KIF21A: variants seen among roughly 807,000 people sequenced by gnomAD.
KIF21A encodes kinesin-like protein KIF21A.
A neutral mutation model predicts 202.9 loss-of-function variants in KIF21A; 114 were observed. The observed-to-expected ratio is 0.56, with a 90% confidence interval of 0.48 to 0.66. KIF21A has a LOEUF of 0.66. Ranked by LOEUF, KIF21A falls within the 30% of genes least tolerant of loss-of-function variation. The pLI, the probability that KIF21A is intolerant of heterozygous loss-of-function variation, is 0.00. For synonymous variants in KIF21A, 667 were observed against 670.8 expected (o/e 0.99, Z 0.09); for missense variants, 1,677 against 1,994.9 (o/e 0.84, Z 3.04).
At chr12:39,435,693 G>A (rs756969198) in intron 1 of KIF21A, among the ~76,000 whole-genome samples, 4 of 133,992 alleles carry the variant, frequency 3.0e-5, no homozygotes, top group African/African-American at 2.8e-5. Flanking sequence ...GCCACCTTCC[G>A]TTTAGTGAGG....
Position 39,332,732 on chromosome 12 carries a change from C to G in KIF21A, c.2715G>C (p.Gln905His). The G allele has an allele frequency of 1.9e-6, 3 of 1,614,104 alleles. No homozygotes were observed. Among genetic ancestry groups the G allele is most frequent in the Non-Finnish European group, 2.5e-6 (3 of 1,180,002 alleles). ...PATNGNRKKY[Q>H]RKGLTGRVFI... ...ACACTCGGCCAGTCAATCCTTTCCT[C>G]TGATATTTTTTCCTATAATCATATA... Residue 905 changes from glutamine to histidine, a missense_variant, in exon 20 of 38, where the codon CAG becomes CAC. By Grantham distance (24) the Gln-to-His change is conservative. Around this residue, in one of 3 missense-constraint regions of KIF21A, gnomAD observed 966 missense variants for 1,180.9 expected, o/e 0.82. Transcript: ENST00000361418.
chr12:39,394,930 C>T (rs774933669), intron 1 of KIF21A, among the ~76,000 whole-genome samples: 12 of 152,184 alleles, frequency 7.9e-5, no homozygotes, highest in Non-Finnish European at 1.6e-4. Flanking sequence ...GCTCCGTTAA[C>T]GAGAAATGCT....
intron 1 of KIF21A, among the ~76,000 whole-genome samples, chr12:39,412,996 A>C (rs1003902436): frequency 6.6e-6 from 1 of 152,226 alleles, no homozygotes; most frequent in Non-Finnish European, 1.5e-5. Flanking sequence ...TTCGGCCTTC[A>C]ATCATTCTGG....
intron 3 of KIF21A, among the ~76,000 whole-genome samples, chr12:39,368,737 TA>T (rs762543777): frequency 7.1e-4 from 102 of 142,838 alleles, no homozygotes; most frequent in Middle Eastern, 3.7e-3. Context: ...AAACCAGCAG[TA>T]AAAAAAAAAA....
At chr12:39,441,287 A>G (rs1939540407) in intron 1 of KIF21A, among the ~76,000 whole-genome samples, 2 of 152,184 alleles carry the variant, frequency 1.3e-5, no homozygotes, top group African/African-American at 4.8e-5. Flanking sequence ...CGGATTTAAC[A>G]GAATGGTCAA....
At chr12:39,345,630 A>G (rs1325314231) in intron 12 of KIF21A, among the ~76,000 whole-genome samples, 1 of 151,900 alleles carries the variant, frequency 6.6e-6, no homozygotes, top group African/African-American at 2.4e-5. Context: ...ATGAATGTCT[A>G]AAGTAGGGCT....
chr12:39,351,167 G>A (rs1948342561), intron 11 of KIF21A, among the ~76,000 whole-genome samples: 1 of 151,964 alleles, frequency 6.6e-6, no homozygotes, highest in Non-Finnish European at 1.5e-5. Context: ...GATTTCAGAG[G>A]GACATAGTAT....
intron 12 of KIF21A, among the ~76,000 whole-genome samples, chr12:39,344,312 T>C (rs1256247016): frequency 6.6e-6 from 1 of 152,184 alleles, no homozygotes; most frequent in East Asian, 1.9e-4. Context: ...CAGCAGCATG[T>C]ACTCAAACAG....
At chr12:39,439,863 C>T (rs1430376530) in intron 1 of KIF21A, among the ~76,000 whole-genome samples, 1 of 152,096 alleles carries the variant, frequency 6.6e-6, no homozygotes, top group Non-Finnish European at 1.5e-5. Flanking sequence ...CTTAAATGAC[C>T]CATTTCCTTA....
intron 17 of KIF21A, among the ~76,000 whole-genome samples, chr12:39,336,566 C>A (rs75136965): frequency 0.045 from 6,910 of 152,166 alleles, 218 homozygotes; most frequent in East Asian, 0.12. Flanking sequence ...TACAAAGAAT[C>A]CTACAGTGAA....
chr12:39,328,041 T>C (rs1263942469), intron 24 of KIF21A, among the ~76,000 whole-genome samples: 2 of 152,186 alleles, frequency 1.3e-5, no homozygotes, highest in African/African-American at 4.8e-5. Flanking sequence ...TAATTATATA[T>C]TTAAAAATTT....
chr12:39,345,674 A>G (rs1011612055), intron 12 of KIF21A, among the ~76,000 whole-genome samples: 2 of 151,914 alleles, frequency 1.3e-5, no homozygotes, highest in African/African-American at 4.8e-5. Flanking sequence ...TGAAACTAGT[A>G]TATTTTCTTA....
chr12:39,311,336 C>T (rs1402557792), intron 32 of KIF21A, 81 bp downstream of exon 32: 1 of 1,286,062 alleles, frequency 7.8e-7, no homozygotes, highest in Non-Finnish European at 1.1e-6. Flanking sequence ...AATAGTTTGA[C>T]AGTTTTCTAG....
chr12:39,424,593 C>T (rs73088816), intron 1 of KIF21A, among the ~76,000 whole-genome samples: 19,695 of 152,146 alleles, frequency 0.13, 1,370 homozygotes, highest in African/African-American at 0.18. Context: ...AATCTCACCC[C>T]CAAAAAATCA....
chr12:39,429,159 G>T (rs1954991398), intron 1 of KIF21A, among the ~76,000 whole-genome samples: 1 of 152,094 alleles, frequency 6.6e-6, no homozygotes, highest in South Asian at 2.1e-4. Flanking sequence ...ATGCCAAAGA[G>T]CTCACCTTGC....
intron 1 of KIF21A, among the ~76,000 whole-genome samples, chr12:39,405,861 A>G (rs748017310): frequency 5.9e-5 from 9 of 152,220 alleles, no homozygotes; most frequent in African/African-American, 1.2e-4. Flanking sequence ...ATGCAATAAG[A>G]AAAATAATAA....
intron 1 of KIF21A, among the ~76,000 whole-genome samples, chr12:39,420,960 G>C (rs1029706312): frequency 5.3e-5 from 8 of 151,870 alleles, no homozygotes; most frequent in African/African-American, 1.9e-4. Context: ...AAAAAATAAA[G>C]TGAAGTGAAA....
chr12:39,351,423 G>A (rs1484609938), intron 11 of KIF21A, among the ~76,000 whole-genome samples: 3 of 151,974 alleles, frequency 2.0e-5, no homozygotes, highest in African/African-American at 4.8e-5. Flanking sequence ...TTAGGAAATG[G>A]GGAAAAAATG....
chr12:39,422,224 G>A (rs1407480409), intron 1 of KIF21A, among the ~76,000 whole-genome samples: 1 of 151,852 alleles, frequency 6.6e-6, no homozygotes, highest in African/African-American at 2.4e-5. Flanking sequence ...GCCTCTCAAA[G>A]TGCTACGATT....
Sources: allele counts gnomAD v4.1 joint callset (sites outside exome capture counted in the v4.1 genomes callset), GRCh38; gene constraint gnomAD v4.1.1; regional missense constraint gnomAD v4.1.1; transcripts MANE v1.5; gene names NCBI Gene and HGNC (gene_info 2026-07-23, HGNC 2026-07-21).